PDE4D: variants seen among roughly 807,000 people sequenced by gnomAD.
PDE4D encodes the protein phosphodiesterase 4D, also known as 3',5'-cyclic-AMP phosphodiesterase 4D.
In PDE4D, 24 loss-of-function variants were observed where a neutral mutation model predicts 87.4. That is an observed-to-expected ratio of 0.27 (90% confidence interval 0.20 to 0.39). The LOEUF (loss-of-function observed/expected upper bound fraction) is 0.39. Ranked by LOEUF, PDE4D falls within the 10% of genes least tolerant of loss-of-function variation. PDE4D has a pLI of 1.00. For synonymous variants in PDE4D, 384 were observed against 383.2 expected (o/e 1.00, Z -0.02); for missense variants, 714 against 1,041.0 (o/e 0.69, Z 4.32).
chr5:60,028,397 T>G (rs1212665012), intron 2 of PDE4D, among the ~76,000 whole-genome samples: 1 of 152,202 alleles, frequency 6.6e-6, no homozygotes, highest in Non-Finnish European at 1.5e-5. Flanking sequence ...TCTTCACATC[T>G]GTTCCTTTGT....
At chr5:60,185,397 CTTTG>C (rs890336295) in intron 2 of PDE4D, among the ~76,000 whole-genome samples, 29 of 152,134 alleles carry the variant, frequency 1.9e-4, no homozygotes, top group African/African-American at 6.8e-4. Context: ...ACAAACTAGT[CTTTG>C]TTTGTTAATA....
chr5:59,940,466 C>A (rs1757063672), intron 3 of PDE4D, among the ~76,000 whole-genome samples: 1 of 152,016 alleles, frequency 6.6e-6, no homozygotes, highest in Non-Finnish European at 1.5e-5. Context: ...GAGGAGGACA[C>A]AAACGAAAGG....
At chr5:60,007,855 A>G (rs890794676) in intron 2 of PDE4D, among the ~76,000 whole-genome samples, 4 of 152,024 alleles carry the variant, frequency 2.6e-5, no homozygotes, top group African/African-American at 9.7e-5. Context: ...GTGCTCTGAT[A>G]TAGCTGTAAA....
intron 1 of PDE4D, among the ~76,000 whole-genome samples, chr5:59,523,029 T>C (rs1379229045): frequency 1.3e-5 from 2 of 152,236 alleles, no homozygotes; most frequent in East Asian, 3.8e-4. Flanking sequence ...TAGTCCTAAA[T>C]GCAAATCCTC....
At chr5:59,205,071 G>A (rs1414048845) in intron 2 of PDE4D, among the ~76,000 whole-genome samples, 3 of 151,988 alleles carry the variant, frequency 2.0e-5, no homozygotes, top group Non-Finnish European at 2.9e-5. Context: ...GTTACTCATT[G>A]GCAGTCATGC....
chr5:59,404,655 G>GA (rs1177521190), intron 1 of PDE4D, among the ~76,000 whole-genome samples: 11 of 120,554 alleles, frequency 9.1e-5, no homozygotes, highest in Admixed American at 2.6e-4. Flanking sequence ...AACAGAGTGA[G>GA]ACTCTGTCTA....
intron 5 of PDE4D, among the ~76,000 whole-genome samples, chr5:59,044,055 C>A (rs1760208145): frequency 6.6e-6 from 1 of 152,154 alleles, no homozygotes; most frequent in African/African-American, 2.4e-5. Context: ...ATTTATAATC[C>A]TTTGGGTATA....
At chr5:59,427,797 A>C (rs1795514856) in intron 1 of PDE4D, among the ~76,000 whole-genome samples, 1 of 150,798 alleles carries the variant, frequency 6.6e-6, no homozygotes, top group South Asian at 2.1e-4. Context: ...CAGTCTGGCC[A>C]ACAGACACAG....
intron 1 of PDE4D, among the ~76,000 whole-genome samples, chr5:59,889,607 A>G (rs1750665883): frequency 6.6e-6 from 1 of 152,214 alleles, no homozygotes; most frequent in African/African-American, 2.4e-5. Flanking sequence ...GGAATCATCC[A>G]TGCTGCTTGT....
chr5:60,480,827 G>A (rs974011193), intron 1 of PDE4D, among the ~76,000 whole-genome samples: 1 of 152,112 alleles, frequency 6.6e-6, no homozygotes, highest in African/African-American at 2.4e-5. Context: ...GCCTCAGGGT[G>A]AAGAATGCAA....
chr5:59,234,110 T>A (rs1206033630), intron 1 of PDE4D, among the ~76,000 whole-genome samples: 1 of 152,152 alleles, frequency 6.6e-6, no homozygotes, highest in East Asian at 1.9e-4. Context: ...TGTTTTGACA[T>A]TAACTATGTT....
chr5:59,538,824 G>A (rs913383428), intron 1 of PDE4D, among the ~76,000 whole-genome samples: 13 of 152,072 alleles, frequency 8.5e-5, no homozygotes, highest in African/African-American at 2.9e-4. Context: ...ATGTGCAACT[G>A]TCCTCTCTGC....
intron 3 of PDE4D, among the ~76,000 whole-genome samples, chr5:59,941,478 C>T (rs765012244): frequency 6.6e-6 from 1 of 152,220 alleles, no homozygotes; most frequent in Non-Finnish European, 1.5e-5. Flanking sequence ...TGTATCTTGA[C>T]TCTCCTCCCA....
intron 1 of PDE4D, among the ~76,000 whole-genome samples, chr5:59,786,879 A>G (rs1367029902): frequency 2.0e-5 from 3 of 152,188 alleles, no homozygotes; most frequent in Admixed American, 2.0e-4. Flanking sequence ...TTTTCCACCT[A>G]TCTAAAGATT....
At chr5:60,464,254 A>G in intron 1 of PDE4D, among the ~76,000 whole-genome samples, 1 of 152,252 alleles carries the variant, frequency 6.6e-6, no homozygotes, top group East Asian at 1.9e-4. Context: ...AGAAAATTAT[A>G]GCAATCAATC....
chr5:58,969,449 C>A lies in PDE4D; in HGVS notation c.*5215G>T, dbSNP rs1742223438. On this transcript the variant is annotated 3_prime_UTR_variant, in exon 15 of 15. Coordinates refer to ENST00000340635, the MANE Select transcript of PDE4D (RefSeq NM_001104631.2). ...TGCCTCAAGATCTTTGCAAATGTTT[C>A]TTGTCTGGATCCCCTTCCTCTTCCT... The A allele has an allele frequency of 6.6e-6, 1 of 152,188 alleles. No homozygotes were observed. 9.4% of individuals were successfully genotyped at this position (152,188 alleles called of 1,614,324 possible).
chr5:60,144,355 C>T (rs1028996963), intron 2 of PDE4D, among the ~76,000 whole-genome samples: 1 of 152,196 alleles, frequency 6.6e-6, no homozygotes, highest in African/African-American at 2.4e-5. Flanking sequence ...ATTAAATGTG[C>T]CTGTTGCCTA....
In PDE4D at chr5:59,078,569, C is replaced by A. The variant is rs577454367; in HGVS notation, c.809-39598G>T. On this transcript the variant is annotated intron_variant, in intron 5 of 14. Transcript: ENST00000340635. ...CAACACCCAGGTTAGAGTGCAGTGG[C>A]ATGATCATAGCTCACTGTGGCCTCA... 6.0e-5 allele frequency among the ~76,000 whole-genome samples: 9 copies of A among 150,248 alleles called. No homozygotes were observed. In the East Asian group the frequency reaches 1.8e-3, roughly 30 times the overall value.
intron 1 of PDE4D, among the ~76,000 whole-genome samples, chr5:59,825,454 CT>C (rs1336143517): frequency 6.6e-6 from 1 of 152,050 alleles, no homozygotes; most frequent in Non-Finnish European, 1.5e-5. Flanking sequence ...GCATAGAGAC[CT>C]GGGCATCTAA....
Sources: allele counts gnomAD v4.1 joint callset (sites outside exome capture counted in the v4.1 genomes callset), GRCh38; gene constraint gnomAD v4.1.1; transcripts MANE v1.5; gene names NCBI Gene and HGNC (gene_info 2026-07-23, HGNC 2026-07-21).